The following CAMK2B variants were observed in gnomAD, a reference collection of about 807,000 sequenced individuals.
CAMK2B encodes the protein calcium/calmodulin-dependent protein kinase type II subunit beta.
Under a neutral mutation model 93.7 loss-of-function variants are expected in CAMK2B, and 27 were observed. The observed-to-expected ratio is 0.29, with a 90% CI of 0.21 to 0.40. CAMK2B has a LOEUF of 0.40. Among genes scored for constraint, CAMK2B ranks in the 10% least tolerant of loss-of-function variants. CAMK2B has a pLI of 1.00. For synonymous variants in CAMK2B, 374 were observed against 358.8 expected (o/e 1.04, Z -0.48); for missense variants, 568 against 895.8 (o/e 0.63, Z 4.67).
intron 12 of CAMK2B, 84 bp downstream of exon 12, chr7:44,240,623 G>A (rs972199685): frequency 6.8e-7 from 1 of 1,460,904 alleles, no homozygotes; most frequent in Non-Finnish European, 9.5e-7. Context: ...GAGGAGTGGA[G>A]AGGCTGGTGA....
chr7:44,255,187 T>C (rs139091512), intron 4 of CAMK2B, among the ~76,000 whole-genome samples: 2 of 152,104 alleles, frequency 1.3e-5, no homozygotes, highest in Non-Finnish European at 2.9e-5. Flanking sequence ...CGAGGTCCCA[T>C]CTCTAGGAAG....
chr7:44,234,075 C>T (rs991120282), intron 15 of CAMK2B, among the ~76,000 whole-genome samples: 1 of 152,204 alleles, frequency 6.6e-6, no homozygotes, highest in African/African-American at 2.4e-5. Flanking sequence ...ACTTCCTGAA[C>T]ACTCCTGGAG....
At chr7:44,318,775 G>T (rs545248474) in intron 1 of CAMK2B, among the ~76,000 whole-genome samples, 3 of 152,206 alleles carry the variant, frequency 2.0e-5, no homozygotes, top group Non-Finnish European at 4.4e-5. Flanking sequence ...TTGCCTGGTT[G>T]TTGCCAATCT....
rs1254286764 is a variant in CAMK2B, at chr7:44,312,890, GT to G, written c.65+12466del. On this transcript the variant is annotated intron_variant, in intron 1 of 23. Transcript: ENST00000395749. The surrounding 1 kb of genome is among the most constrained non-coding windows in gnomAD (Gnocchi z 4.1). ...TTCTCAGGGTTTTTGACTGGGAGGG[GT>G]GTTCTCCGTCAGTCCCTGGGGCTGT... Among the ~76,000 whole-genome samples the G allele has an allele frequency of 6.6e-6, 1 of 152,154 alleles. No individual in the cohort carries two copies. Among genetic ancestry groups the G allele is most frequent in the Non-Finnish European group, 1.5e-5 (1 of 68,018 alleles).
chr7:44,272,307 G>A (rs1219584273), intron 2 of CAMK2B, among the ~76,000 whole-genome samples: 1 of 152,170 alleles, frequency 6.6e-6, no homozygotes, highest in Non-Finnish European at 1.5e-5. Context: ...CAGAAAAGGT[G>A]AGGTGGTGTC....
At chr7:44,318,616 G>T (rs1340284526) in intron 1 of CAMK2B, among the ~76,000 whole-genome samples, 1 of 152,258 alleles carries the variant, frequency 6.6e-6, no homozygotes, top group Non-Finnish European at 1.5e-5. Flanking sequence ...CATAACACCT[G>T]CAGTACTTCA....
chr7:44,292,623 T>C (rs1787171923), intron 1 of CAMK2B, among the ~76,000 whole-genome samples: 1 of 152,218 alleles, frequency 6.6e-6, no homozygotes, highest in Non-Finnish European at 1.5e-5. Flanking sequence ...TCTCAGGGCC[T>C]TGAATGGGAT....
chr7:44,249,780 C>G (rs1374835879), intron 5 of CAMK2B, among the ~76,000 whole-genome samples: 1 of 152,172 alleles, frequency 6.6e-6, no homozygotes, highest in Non-Finnish European at 1.5e-5. Context: ...CTTTCAGCCT[C>G]AGACTTACTG....
chr7:44,251,160 T>A (rs996700856), intron 5 of CAMK2B, among the ~76,000 whole-genome samples: 1 of 152,138 alleles, frequency 6.6e-6, no homozygotes, highest in Admixed American at 6.5e-5. Context: ...AGCACCTCCC[T>A]GCCTGGGTCT....
chr7:44,240,595 G>T, intron 12 of CAMK2B, 112 bp downstream of exon 12: 1 of 1,243,494 alleles, frequency 8.0e-7, no homozygotes, highest in Non-Finnish European at 1.2e-6. Context: ...AGACGCCGAG[G>T]GCAGGCCTGC....
chr7:44,251,361 C>T (rs939131183), intron 5 of CAMK2B, among the ~76,000 whole-genome samples: 3 of 151,524 alleles, frequency 2.0e-5, no homozygotes, highest in Admixed American at 6.6e-5. Context: ...GACTCTCCAC[C>T]GAGCTCCACT....
intron 1 of CAMK2B, among the ~76,000 whole-genome samples, chr7:44,307,854 T>G (rs893457554): frequency 6.6e-6 from 1 of 152,136 alleles, no homozygotes; most frequent in African/African-American, 2.4e-5. Flanking sequence ...TCATCCGTAC[T>G]TCAACTGGGG....
At chr7:44,241,924 C>T (rs1002452185) in intron 10 of CAMK2B, 141 bp from the exon 11 acceptor site, 4 of 704,028 alleles carry the variant, frequency 5.7e-6, no homozygotes, top group South Asian at 3.4e-5. Flanking sequence ...TCTGTCCCCA[C>T]CCGCCTGGGA....
chr7:44,232,875 G>A lies in CAMK2B; in HGVS notation c.1132-9C>T, dbSNP rs992799183. ...ACGGTGGTTTGAGGCTCCTACAGAA[G>A]AAGGAAGACACAGAGGAAGGAAAGA... On this transcript the variant is annotated splice_polypyrimidine_tract_variant and intron_variant, in intron 15 of 23. Transcript: ENST00000395749. The A allele has an allele frequency of 1.9e-6, 3 of 1,613,318 alleles. No homozygotes were observed. The highest frequency in any genetic ancestry group is 1.1e-5 in the South Asian group (1 of 91,056).
At chr7:44,242,730 AC>A in intron 8 of CAMK2B, 76 bp from the exon 9 acceptor site, 1 of 1,005,548 alleles carries the variant, frequency 9.9e-7, no homozygotes, top group Non-Finnish European at 1.5e-6. Context: ...CTGCACCCTC[AC>A]TGCCTAGCTC....
At chr7:44,229,636 T>G (rs543795692) in intron 17 of CAMK2B, 135 bp from the exon 18 acceptor site, 74 of 191,670 alleles carry the variant, frequency 3.9e-4, no homozygotes, top group African/African-American at 1.0e-3. Flanking sequence ...GGGGTGGAGG[T>G]GGGGTGGCCA....
At chr7:44,297,198 T>C (rs1199182056) in intron 1 of CAMK2B, among the ~76,000 whole-genome samples, 1 of 152,168 alleles carries the variant, frequency 6.6e-6, no homozygotes, top group East Asian at 1.9e-4. Context: ...CTTCACTACA[T>C]GCGAAATGGT....
At chr7:44,291,531 C>T (rs1003772308) in intron 1 of CAMK2B, among the ~76,000 whole-genome samples, 5 of 152,220 alleles carry the variant, frequency 3.3e-5, no homozygotes, top group Non-Finnish European at 5.9e-5. Flanking sequence ...CACCCAAACT[C>T]GGCCACAGCC....
At chr7:44,320,011 A>G (rs1453154093) in intron 1 of CAMK2B, among the ~76,000 whole-genome samples, 1 of 152,174 alleles carries the variant, frequency 6.6e-6, no homozygotes, top group African/African-American at 2.4e-5. Flanking sequence ...GTACCTCTGG[A>G]GAGTGAGGGA....
Sources: allele counts gnomAD v4.1 joint callset (sites outside exome capture counted in the v4.1 genomes callset), GRCh38; gene constraint gnomAD v4.1.1; non-coding constraint Gnocchi (gnomAD v3.1); transcripts MANE v1.5; gene names NCBI Gene and HGNC (gene_info 2026-07-23, HGNC 2026-07-21).